The following TMTC1 variants were observed in gnomAD, a reference collection of about 807,000 sequenced individuals.
TMTC1 encodes transmembrane O-mannosyltransferase targeting cadherins 1, also known as protein O-mannosyl-transferase TMTC1.
TMTC1 carries 73 observed loss-of-function variants against 104.8 expected under a neutral mutation model. That is an observed-to-expected ratio of 0.70 (90% CI 0.58 to 0.85). The LOEUF (loss-of-function observed/expected upper bound fraction) is 0.85. Ranked by LOEUF, TMTC1 falls within the 40% of genes least tolerant of loss-of-function variation. TMTC1 has a pLI of 0.00. For synonymous variants in TMTC1, 434 were observed against 428.7 expected (o/e 1.01, Z -0.15); for missense variants, 1,035 against 1,096.1 (o/e 0.94, Z 0.79).
At chr12:29,511,624 C>T (rs73280558) in intron 17 of TMTC1, among the ~76,000 whole-genome samples, 11,509 of 152,054 alleles carry the variant, frequency 0.076, 591 homozygotes, top group African/African-American at 0.14. Context: ...GTATATTAGA[C>T]ATAAGAAATA....
chr12:29,660,970 T>C, intron 5 of TMTC1: 1 of 673,400 alleles, frequency 1.5e-6, no homozygotes, highest in Non-Finnish European at 2.1e-6. Flanking sequence ...GCTGCAGCTC[T>C]GAAGAAGGCT....
chr12:29,741,576 C>G (rs1054497874), intron 5 of TMTC1, among the ~76,000 whole-genome samples: 5 of 152,278 alleles, frequency 3.3e-5, no homozygotes, highest in African/African-American at 1.2e-4. Context: ...CACCCACTAG[C>G]CAGGCTTCTT....
At position 29,673,629 on chromosome 12, in the gene TMTC1, T is replaced by C. The variant is rs560578943; in HGVS notation, c.939-40293A>G. Among the ~76,000 whole-genome samples the C allele has an allele frequency of 3.3e-5, 5 of 151,636 alleles. No homozygotes were observed. In the East Asian group the frequency reaches 9.7e-4, roughly 29 times the overall value. On this transcript the variant is annotated intron_variant, in intron 5 of 17. Transcript: ENST00000539277. ...TATTTACATATTTAATTATATTTAT[T>C]TATATTTTACTTATCGTTTCCAAAG... is the stretch of plus-strand genomic sequence containing the variant.
At chr12:29,530,399 A>G (rs1944468894) in intron 11 of TMTC1, among the ~76,000 whole-genome samples, 1 of 152,168 alleles carries the variant, frequency 6.6e-6, no homozygotes, top group Non-Finnish European at 1.5e-5. Context: ...TATGGTCTCA[A>G]CGCAACTGAC....
intron 5 of TMTC1, among the ~76,000 whole-genome samples, chr12:29,659,190 A>C (rs1258237505): frequency 6.6e-6 from 1 of 152,232 alleles, no homozygotes; most frequent in Admixed American, 6.5e-5. Flanking sequence ...AACATTCACC[A>C]TATGTATCAA....
At chr12:29,642,842 G>A (rs529550678) in intron 5 of TMTC1, among the ~76,000 whole-genome samples, 4 of 151,730 alleles carry the variant, frequency 2.6e-5, no homozygotes, top group South Asian at 2.1e-4. Context: ...GGAGAATGGC[G>A]TGAACCCAGG....
intron 5 of TMTC1, among the ~76,000 whole-genome samples, chr12:29,737,362 T>C (rs1411760717): frequency 1.3e-5 from 2 of 152,000 alleles, no homozygotes; most frequent in Non-Finnish European, 1.5e-5. Context: ...CTACTAAAAA[T>C]ACGAAATTAG....
rs530143155 is a variant in TMTC1, at chr12:29,713,954, C to T, written c.938+37712G>A. On this transcript the variant is annotated intron_variant, in intron 5 of 17. Coordinates refer to ENST00000539277, the MANE Select transcript of TMTC1 (RefSeq NM_001193451.2). The stretch of plus-strand genomic sequence containing the variant: ...CTGCTATAAGCAGGGCTTGCAGCTG[C>T]GGGTTCTCTCTCTCTCCTGCTCTTC... 3.9e-5 allele frequency among the ~76,000 whole-genome samples: 6 copies of T among 152,158 alleles called. No individual in the cohort carries two copies. In the East Asian group the frequency reaches 5.8e-4, roughly 15 times the overall value.
rs567801447 is a variant in TMTC1 at position 29,745,230 on chromosome 12, C to G, written c.938+6436G>C. Among the ~76,000 whole-genome samples, 353 of 152,292 alleles carry G rather than the reference C, an allele frequency of 2.3e-3. 2 individuals carry two copies. The highest frequency in any genetic ancestry group is 7.9e-3 in the African/African-American group (328 of 41,554). The stretch of plus-strand genomic sequence containing the variant: ...ATTTGCCTGCAGTAATCAACCACCT[C>G]CCTTCTGCAGTGCCCTAACATTCAC... On this transcript the variant is annotated intron_variant, in intron 5 of 17. Coordinates refer to ENST00000539277, the MANE Select transcript of TMTC1 (RefSeq NM_001193451.2).
chr12:29,639,084 T>A (rs113787211), intron 5 of TMTC1, among the ~76,000 whole-genome samples: 8 of 152,208 alleles, frequency 5.3e-5, no homozygotes, highest in Admixed American at 3.9e-4. Context: ...CTTGAATTCA[T>A]TAAACATTGA....
chr12:29,710,734 C>T (rs1160411256), intron 5 of TMTC1, among the ~76,000 whole-genome samples: 51 of 120,588 alleles, frequency 4.2e-4, no homozygotes, highest in Admixed American at 2.4e-3. Context: ...TATTATTAAA[C>T]GTATTTATAT....
At chr12:29,671,616 G>A (rs1041239343) in intron 5 of TMTC1, among the ~76,000 whole-genome samples, 5 of 152,126 alleles carry the variant, frequency 3.3e-5, no homozygotes, top group Non-Finnish European at 5.9e-5. Flanking sequence ...TTTTATAGAC[G>A]GGGAAACTGA....
intron 4 of TMTC1, among the ~76,000 whole-genome samples, chr12:29,753,938 C>A (rs1486446030): frequency 6.6e-6 from 1 of 152,202 alleles, no homozygotes; most frequent in Non-Finnish European, 1.5e-5. Flanking sequence ...GCAGTCTTGG[C>A]TCACTGCAAT....
intron 9 of TMTC1, 149 bp from the exon 10 acceptor site, chr12:29,557,149 T>A (rs1190030711): frequency 1.2e-6 from 1 of 847,476 alleles, no homozygotes; most frequent in African/African-American, 1.7e-5. Flanking sequence ...ATCTTACTGG[T>A]CAACGACTTT....
intron 5 of TMTC1, among the ~76,000 whole-genome samples, chr12:29,682,058 A>G (rs1479201527): frequency 6.6e-6 from 1 of 152,202 alleles, no homozygotes; most frequent in Non-Finnish European, 1.5e-5. Context: ...AAACTCAACA[A>G]CAACAAAAAA....
intron 1 of TMTC1, among the ~76,000 whole-genome samples, chr12:29,773,890 C>T (rs1943649562): frequency 6.6e-6 from 1 of 152,166 alleles, no homozygotes; most frequent in Non-Finnish European, 1.5e-5. Flanking sequence ...GCATCTCCTA[C>T]ATCACACCTG....
intron 5 of TMTC1, among the ~76,000 whole-genome samples, chr12:29,636,646 T>C (rs113689834): frequency 0.035 from 5,248 of 151,966 alleles, 298 homozygotes; most frequent in African/African-American, 0.12. Flanking sequence ...GGTGAAACCC[T>C]GTCTCTACTA....
chr12:29,751,518 A>G (rs1943089028), intron 5 of TMTC1, 148 bp downstream of exon 5: 6 of 792,754 alleles, frequency 7.6e-6, no homozygotes, highest in Non-Finnish European at 1.3e-5. Context: ...GGAAATAGGG[A>G]CAGGAAGAAG....
intron 5 of TMTC1, among the ~76,000 whole-genome samples, chr12:29,731,138 G>A (rs1942534280): frequency 6.6e-6 from 1 of 152,116 alleles, no homozygotes; most frequent in South Asian, 2.1e-4. Context: ...AAATAAATGG[G>A]CTGATAATAA....
Sources: gnomAD v4.1 joint callset for allele counts (sites outside exome capture counted in the v4.1 genomes callset) on GRCh38, gnomAD v4.1.1 for gene constraint, MANE v1.5 for transcripts, NCBI Gene and HGNC (gene_info 2026-07-23, HGNC 2026-07-21) for gene names.